Variants in NBN observed in about 807,000 individuals in gnomAD.
NBN encodes the protein nibrin, also known as Nijmegen breakage syndrome 1 (nibrin).
In NBN, 88 loss-of-function variants were observed where a neutral mutation model predicts 90.8. That is an observed-to-expected ratio of 0.97 (90% CI 0.82 to 1.16). NBN has a LOEUF of 1.16. Among genes scored for constraint, NBN ranks in the 50% most tolerant of loss-of-function variants. The probability of loss-of-function intolerance (pLI) is 0.00; values close to 1 mark genes in which losing one functional copy is unlikely to be tolerated. For missense variants in NBN, 894 were observed against 869.6 expected (o/e 1.03, Z -0.35); for synonymous variants, 328 against 295.1 (o/e 1.11, Z -1.14).
At chr8:89,956,034 G>C (rs1340133231) in intron 9 of NBN, among the ~76,000 whole-genome samples, 1 of 151,628 alleles carries the variant, frequency 6.6e-6, no homozygotes, top group Admixed American at 6.6e-5. Flanking sequence ...TAAATGAACT[G>C]ATATCATTAT....
intron 9 of NBN, among the ~76,000 whole-genome samples, chr8:89,957,210 G>A (rs1382329483): frequency 6.6e-6 from 1 of 152,214 alleles, no homozygotes; most frequent in Non-Finnish European, 1.5e-5. Context: ...TAGTGCCCCA[G>A]AAGACTTTCC....
In NBN at chr8:89,984,648, A is replaced by T. The variant is rs764745963; in HGVS notation, c.-87T>A. 10 of 1,576,242 alleles carry T rather than the reference A, an allele frequency of 6.3e-6. No individual in the cohort carries two copies. The highest frequency in any genetic ancestry group is 8.6e-6 in the Non-Finnish European group (10 of 1,160,524). On this transcript the variant is annotated 5_prime_UTR_variant, in exon 1 of 16. An upstream start codon of the reference 5' UTR is lost. Transcript: ENST00000265433. ...CGCGGATACGGCGCCTGCGGTCGGCATGGGCTCCGGGACGTGCGCGCTCCC... is the reference window on the plus strand; with the variant it reads ...CGCGGATACGGCGCCTGCGGTCGGCTTGGGCTCCGGGACGTGCGCGCTCCC...
chr8:89,963,374 G>GT (rs1432993629), intron 8 of NBN, among the ~76,000 whole-genome samples: 1 of 152,098 alleles, frequency 6.6e-6, no homozygotes, highest in Non-Finnish European at 1.5e-5. Context: ...TTTAGCCCAA[G>GT]TTCAATAGCT....
chr8:89,984,135 G>A lies in NBN; in HGVS notation c.37+390C>T, dbSNP rs1812211531. On this transcript the variant is annotated intron_variant, in intron 1 of 15. Transcript: ENST00000265433. ...TGTCCAGTAGTTCTTCACAAGTCAT[G>A]TGTGGCCCCCGTGTGGTCCGCCCAT... The A allele has an allele frequency of 2.0e-5, 7 of 353,996 alleles. No individual in the cohort carries two copies. In the South Asian group the frequency reaches 2.4e-4, roughly 12 times the overall value. 21.9% of individuals were successfully genotyped at this position (353,996 alleles called of 1,614,324 possible). A position where few individuals can be genotyped will look rare whatever the true frequency, so the allele number is the denominator to read the frequency against.
intron 9 of NBN, 75 bp downstream of exon 9, chr8:89,958,649 AG>A: frequency 1.3e-6 from 2 of 1,495,462 alleles, no homozygotes; most frequent in Non-Finnish European, 1.9e-6. Flanking sequence ...AACCTGATAA[AG>A]GGCATTACTT....
chr8:89,953,559 C>T lies in NBN; in HGVS notation c.1530G>A (p.Glu510=), dbSNP rs1283330641. 6.2e-7 allele frequency: 1 copy of T among 1,613,716 alleles called. No individual in the cohort carries two copies. Among genetic ancestry groups the T allele is most frequent in the Non-Finnish European group, 8.5e-7 (1 of 1,179,850 alleles). ...LWKNKEQHLS[E]NEPVDTNSDN... is the part of the protein sequence containing the mutation. ...CTGAGTTTGTGTCCACAGGCTCATT[C>T]TCAGATAGATGCTGCTCCTTATTTT... Residue 510 remains glutamate (E), a synonymous_variant, in exon 11 of 16, where the codon GAG becomes GAA. Coordinates refer to ENST00000265433, the MANE Select transcript of NBN (RefSeq NM_002485.5).
chr8:89,946,808 T>C (rs1208619815), intron 12 of NBN, among the ~76,000 whole-genome samples: 1 of 152,186 alleles, frequency 6.6e-6, no homozygotes, highest in East Asian at 1.9e-4. Context: ...ACTATCTCAT[T>C]AATTGACAAG....
intron 13 of NBN, among the ~76,000 whole-genome samples, chr8:89,944,198 ACTT>A (rs945159544): frequency 6.6e-6 from 1 of 152,124 alleles, no homozygotes; most frequent in Non-Finnish European, 1.5e-5. Flanking sequence ...CAGAGACAAA[ACTT>A]CTTCTCTAAG....
chr8:89,935,647 G>T, intron 15 of NBN, 35 bp from the exon 16 acceptor site: 2 of 1,600,572 alleles, frequency 1.2e-6, no homozygotes, highest in Non-Finnish European at 1.7e-6. Flanking sequence ...ATGATATTTA[G>T]ATAAGGGATG....
intron 9 of NBN, among the ~76,000 whole-genome samples, chr8:89,955,869 G>C (rs1335441599): frequency 6.6e-6 from 1 of 151,832 alleles, no homozygotes. Context: ...GATAATCCTA[G>C]GCAATTTCTG....
chr8:89,934,825 T>C lies in NBN; in HGVS notation c.*757A>G, dbSNP rs13312981. ...AATCTCACCATTTCTACTTTATAAG[T>C]AGGAAAACTAGGACTCTAAATAAGC... On this transcript the variant is annotated 3_prime_UTR_variant, in exon 16 of 16. Transcript: ENST00000265433. 0.05 allele frequency: 11,545 copies of C among 232,942 alleles called. 1,092 individuals are homozygous for C. Among genetic ancestry groups the C allele is most frequent in the African/African-American group, 0.22 (10,022 of 45,394 alleles). The allele number at this position is 232,942 out of a possible 1,614,324, so 14.4% of individuals were successfully genotyped here.
chr8:89,955,800 G>A (rs963599747), intron 9 of NBN, among the ~76,000 whole-genome samples: 2 of 151,896 alleles, frequency 1.3e-5, no homozygotes, highest in Non-Finnish European at 2.9e-5. Context: ...CACTATAGAC[G>A]ACTGACAAAC....
At chr8:89,936,310 C>T (rs745354542) in intron 15 of NBN, among the ~76,000 whole-genome samples, 1 of 151,976 alleles carries the variant, frequency 6.6e-6, no homozygotes, top group Admixed American at 6.6e-5. Flanking sequence ...CTCCTGACCT[C>T]GTAATCCGCC....
At position 89,934,456 on chromosome 8, in the gene NBN, A is replaced by G. The variant is rs1316896667; in HGVS notation, c.*1126T>C. 1 of 233,056 alleles carries G rather than the reference A, an allele frequency of 4.3e-6. No homozygotes were observed. The highest frequency in any genetic ancestry group is 8.5e-6 in the Non-Finnish European group (1 of 117,978). The allele number at this position is 233,056 out of a possible 1,614,324, so 14.4% of individuals were successfully genotyped here. A position where few individuals can be genotyped will look rare whatever the true frequency, so the allele number is the denominator to read the frequency against. On this transcript the variant is annotated 3_prime_UTR_variant, in exon 16 of 16. Transcript: ENST00000265433. The stretch of plus-strand genomic sequence containing the variant: ...CCTTGCAGCTGGAGTTCCACCTGCA[A>G]GCAGCCAGAACTTGGAAGTAAGTTA...
intron 9 of NBN, among the ~76,000 whole-genome samples, chr8:89,957,748 C>G (rs907825618): frequency 1.1e-4 from 17 of 152,082 alleles, no homozygotes; most frequent in Non-Finnish European, 1.8e-4. Flanking sequence ...CCTACAGTAT[C>G]AGTACAGTAA....
intron 9 of NBN, 127 bp from the exon 10 acceptor site, chr8:89,955,682 CTG>C (rs1240950510): frequency 1.1e-5 from 12 of 1,097,472 alleles, no homozygotes; most frequent in Non-Finnish European, 1.4e-5. Flanking sequence ...CAAAAATACA[CTG>C]AATATATTTT....
Position 89,984,641 on chromosome 8 carries a change from G to C in NBN, c.-80C>G. ...AGACGAGCGCGGATACGGCGCCTGC[G>C]GTCGGCATGGGCTCCGGGACGTGCG... On this transcript the variant is annotated 5_prime_UTR_variant, in exon 1 of 16. Coordinates refer to ENST00000265433, the MANE Select transcript of NBN (RefSeq NM_002485.5). The C allele has an allele frequency of 1.3e-6, 2 of 1,581,440 alleles. No homozygotes were observed. Among genetic ancestry groups the C allele is most frequent in the East Asian group, 2.3e-5 (1 of 42,942 alleles).
At chr8:89,940,679 C>G (rs185372627) in intron 14 of NBN, among the ~76,000 whole-genome samples, 1 of 147,306 alleles carries the variant, frequency 6.8e-6, no homozygotes, top group East Asian at 2.0e-4. Context: ...GATAAAGAAC[C>G]TAATCTGCAG....
chr8:89,968,536 G>C (rs562248529), intron 7 of NBN, among the ~76,000 whole-genome samples: 5 of 152,248 alleles, frequency 3.3e-5, no homozygotes, highest in East Asian at 1.9e-4. Context: ...TATATAGGTT[G>C]AGGATTAAAT....
Sources: allele counts gnomAD v4.1 joint callset (sites outside exome capture counted in the v4.1 genomes callset), GRCh38; gene constraint gnomAD v4.1.1; transcripts MANE v1.5; gene names NCBI Gene and HGNC (gene_info 2026-07-23, HGNC 2026-07-21).